PDE4D: variants seen among roughly 807,000 people sequenced by gnomAD.
PDE4D encodes the protein 3',5'-cyclic-AMP phosphodiesterase 4D.
Under a neutral mutation model 87.4 loss-of-function variants are expected in PDE4D, and 24 were observed. That is an observed-to-expected ratio of 0.27 (90% CI 0.20 to 0.39). PDE4D has a LOEUF of 0.39. Among genes scored for constraint, PDE4D ranks in the 10% least tolerant of loss-of-function variants. The pLI is 1.00. For missense variants in PDE4D, 714 were observed against 1,041.0 expected (o/e 0.69, Z 4.32); for synonymous variants, 384 against 383.2 (o/e 1.00, Z -0.02).
intron 1 of PDE4D, among the ~76,000 whole-genome samples, chr5:60,304,444 G>C (rs1350389798): frequency 6.6e-6 from 1 of 151,538 alleles, no homozygotes; most frequent in Non-Finnish European, 1.5e-5. Context: ...AGGAGATCGA[G>C]ACCATCCTGG....
chr5:60,227,478 A>G (rs566519837), intron 1 of PDE4D, among the ~76,000 whole-genome samples: 2 of 151,062 alleles, frequency 1.3e-5, no homozygotes, highest in Non-Finnish European at 3.0e-5. Flanking sequence ...AGAAGTATAT[A>G]TTGAACAAAT....
intron 1 of PDE4D, among the ~76,000 whole-genome samples, chr5:60,348,456 A>T (rs995248831): frequency 6.6e-6 from 1 of 152,150 alleles, no homozygotes; most frequent in Non-Finnish European, 1.5e-5. Flanking sequence ...ATTTTAAAAA[A>T]AACTCAAGTA....
intron 6 of PDE4D, among the ~76,000 whole-genome samples, chr5:59,030,165 T>A (rs1757080911): frequency 6.6e-6 from 1 of 151,788 alleles, no homozygotes; most frequent in South Asian, 2.1e-4. Flanking sequence ...CACAGGCAAC[T>A]AAAACAAAAA....
intron 1 of PDE4D, among the ~76,000 whole-genome samples, chr5:59,812,223 G>A (rs1343263663): frequency 1.3e-5 from 2 of 152,188 alleles, no homozygotes; most frequent in African/African-American, 4.8e-5. Context: ...TCTGAAACCT[G>A]AAAGGCATCT....
chr5:60,110,120 A>G (rs542546358), intron 2 of PDE4D, among the ~76,000 whole-genome samples: 1 of 152,064 alleles, frequency 6.6e-6, no homozygotes, highest in Non-Finnish European at 1.5e-5. Context: ...AATAAAAACT[A>G]TTTGGCTAAG....
At chr5:59,510,212 C>A (rs1265412054) in intron 1 of PDE4D, among the ~76,000 whole-genome samples, 1 of 150,852 alleles carries the variant, frequency 6.6e-6, no homozygotes, top group Non-Finnish European at 1.5e-5. Context: ...ATATATTATG[C>A]ATCAAATATA....
At position 59,261,049 on chromosome 5, in the gene PDE4D, G is replaced by A. The variant is rs187187725; in HGVS notation, c.456-45081C>T. ...GCTGTAACTGCACACAAATGGTATA[G>A]TAGTCCAGATGTATGACTGGCAGTC... On this transcript the variant is annotated intron_variant, in intron 1 of 14. Coordinates refer to ENST00000340635, the MANE Select transcript of PDE4D (RefSeq NM_001104631.2). 1.2e-3 allele frequency among the ~76,000 whole-genome samples: 175 copies of A among 151,860 alleles called. 1 individual carries two copies. The highest frequency in any genetic ancestry group is 4.0e-3 in the African/African-American group (168 of 41,490).
At chr5:59,619,622 C>T (rs988235824) in intron 1 of PDE4D, among the ~76,000 whole-genome samples, 2 of 152,144 alleles carry the variant, frequency 1.3e-5, no homozygotes, top group African/African-American at 4.8e-5. Flanking sequence ...AAGAACACTG[C>T]CATTTCAGTG....
chr5:60,340,860 G>T (rs1758253874), intron 1 of PDE4D, among the ~76,000 whole-genome samples: 1 of 151,712 alleles, frequency 6.6e-6, no homozygotes, highest in African/African-American at 2.4e-5. Flanking sequence ...ATCAGCCTTT[G>T]TTCCTCTGTA....
At chr5:59,085,982 T>C (rs1767603862) in intron 5 of PDE4D, among the ~76,000 whole-genome samples, 1 of 152,168 alleles carries the variant, frequency 6.6e-6, no homozygotes, top group Admixed American at 6.5e-5. Flanking sequence ...CTGATAACGA[T>C]GTTGTATATA....
At chr5:60,283,594 T>G (rs1381608158) in intron 1 of PDE4D, among the ~76,000 whole-genome samples, 1 of 152,218 alleles carries the variant, frequency 6.6e-6, no homozygotes, top group African/African-American at 2.4e-5. Flanking sequence ...CAGATTGTAC[T>G]AATTACAATT....
At chr5:59,565,176 G>C (rs138864126) in intron 1 of PDE4D, among the ~76,000 whole-genome samples, 1 of 152,228 alleles carries the variant, frequency 6.6e-6, no homozygotes, top group African/African-American at 2.4e-5. Flanking sequence ...CAGAAGGAAA[G>C]AGAAGGAGAA....
chr5:60,071,068 T>G (rs1162482423), intron 2 of PDE4D, among the ~76,000 whole-genome samples: 1 of 151,964 alleles, frequency 6.6e-6, no homozygotes, highest in Non-Finnish European at 1.5e-5. Context: ...GGCATCGCTC[T>G]TTTTTTGCTA....
chr5:60,339,174 T>A (rs1162816996), intron 1 of PDE4D, among the ~76,000 whole-genome samples: 1 of 152,118 alleles, frequency 6.6e-6, no homozygotes, highest in East Asian at 1.9e-4. Flanking sequence ...AACCTCAGCA[T>A]ATAATTTTTG....
At chr5:59,247,434 C>A (rs1759073831) in intron 1 of PDE4D, among the ~76,000 whole-genome samples, 1 of 152,088 alleles carries the variant, frequency 6.6e-6, no homozygotes, top group Admixed American at 6.6e-5. Context: ...AGATTAAGGG[C>A]AACTTCAATT....
chr5:60,318,026 A>T (rs1414111577), intron 1 of PDE4D, among the ~76,000 whole-genome samples: 1 of 152,110 alleles, frequency 6.6e-6, no homozygotes, highest in East Asian at 1.9e-4. Context: ...AGCTGAGTTC[A>T]ATTCCTGGAC....
At chr5:58,992,033 T>G (rs371221847) in intron 7 of PDE4D, 29 bp from the exon 8 acceptor site, 33 of 1,325,024 alleles carry the variant, frequency 2.5e-5, no homozygotes, top group Non-Finnish European at 3.1e-5. Context: ...TGTTCTATAT[T>G]TATTATTAAT....
intron 1 of PDE4D, among the ~76,000 whole-genome samples, chr5:59,522,054 T>C (rs888226623): frequency 6.6e-6 from 1 of 152,190 alleles, no homozygotes; most frequent in Non-Finnish European, 1.5e-5. Flanking sequence ...TTATAGAACA[T>C]TGTATAATTT....
chr5:60,513,944 C>A (rs1246683870), intron 1 of PDE4D, among the ~76,000 whole-genome samples: 2 of 150,128 alleles, frequency 1.3e-5, no homozygotes, highest in African/African-American at 4.9e-5. Context: ...ATAAGAACAG[C>A]AAATTAAGTC....
Sources: allele counts gnomAD v4.1 joint callset (sites outside exome capture counted in the v4.1 genomes callset), GRCh38; gene constraint gnomAD v4.1.1; transcripts MANE v1.5; gene names NCBI Gene and HGNC (gene_info 2026-07-23, HGNC 2026-07-21).